CSMD3: variants seen among roughly 807,000 people sequenced by gnomAD.
CSMD3 encodes the protein CUB and sushi domain-containing protein 3.
In CSMD3, 177 loss-of-function variants were observed where a neutral mutation model predicts 435.2. The ratio of observed to expected loss-of-function variants is 0.41; its 90% CI spans 0.36 to 0.46. CSMD3 has a LOEUF of 0.46. CSMD3 is among the 20% of genes least tolerant of loss of function. CSMD3 has a pLI of 0.34. For synonymous variants in CSMD3, 1,656 were observed against 1,520.5 expected (o/e 1.09, Z -2.07); for missense variants, 4,265 against 4,504.6 (o/e 0.95, Z 1.52).
chr8:112,915,088 A>G (rs1410951674), intron 10 of CSMD3, among the ~76,000 whole-genome samples: 1 of 151,940 alleles, frequency 6.6e-6, no homozygotes, highest in Non-Finnish European at 1.5e-5. Context: ...TCATAAGTTT[A>G]CTATGAACAC....
chr8:112,871,414 G>A (rs925256078), intron 10 of CSMD3, among the ~76,000 whole-genome samples: 5 of 152,028 alleles, frequency 3.3e-5, no homozygotes, highest in African/African-American at 1.2e-4. Context: ...AGCATTTGAG[G>A]CTTAATCTTC....
chr8:113,034,749 T>C (rs919742352), intron 5 of CSMD3, among the ~76,000 whole-genome samples: 1 of 152,032 alleles, frequency 6.6e-6, no homozygotes, highest in Non-Finnish European at 1.5e-5. Flanking sequence ...ATAGAGAATA[T>C]ACCATGCAAA....
intron 1 of CSMD3, chr8:113,376,920 G>A: frequency 1.3e-6 from 2 of 1,581,884 alleles, no homozygotes. Context: ...TGGTTGTGGG[G>A]GCCATAACGG....
At chr8:112,373,878 G>A (rs55801599) in intron 38 of CSMD3, among the ~76,000 whole-genome samples, 5,894 of 152,144 alleles carry the variant, frequency 0.039, 376 homozygotes, top group African/African-American at 0.13. Flanking sequence ...CTGAGTGAAT[G>A]GTCAGCCTTT....
intron 1 of CSMD3, among the ~76,000 whole-genome samples, chr8:113,338,509 T>C (rs972882703): frequency 2.0e-5 from 3 of 151,894 alleles, no homozygotes; most frequent in African/African-American, 7.2e-5. Flanking sequence ...ATAAACAAAA[T>C]ATGGTATATT....
At position 113,148,884 on chromosome 8, in the gene CSMD3, A is replaced by G. The variant is rs192526977; in HGVS notation, c.709+24838T>C. Among the ~76,000 whole-genome samples, 1,267 of 151,892 alleles carry G rather than the reference A, an allele frequency of 8.3e-3. 16 individuals carry two copies. Among genetic ancestry groups the G allele is most frequent in the African/African-American group, 0.029 (1,209 of 41,510 alleles). ...CAAGTGAAGCAACAGTATTTACTTT[A>G]ATTACAGTTTTCTAAAGATTTCTAC... On this transcript the variant is annotated intron_variant, in intron 4 of 70. Transcript: ENST00000297405.
intron 13 of CSMD3, among the ~76,000 whole-genome samples, chr8:112,750,050 AAAG>A (rs1311176313): frequency 6.6e-6 from 1 of 152,086 alleles, no homozygotes; most frequent in Non-Finnish European, 1.5e-5. Context: ...TAAAATTTAT[AAAG>A]AAGATACTAA....
chr8:113,156,620 G>A (rs1166146239), intron 4 of CSMD3, among the ~76,000 whole-genome samples: 2 of 151,750 alleles, frequency 1.3e-5, no homozygotes, highest in African/African-American at 2.4e-5. Context: ...GAGAGAATAG[G>A]CTAAGCATAG....
intron 10 of CSMD3, among the ~76,000 whole-genome samples, chr8:112,899,599 T>TTATATATATATATATATA (rs71309794): frequency 7.8e-4 from 78 of 99,980 alleles, no homozygotes; most frequent in Middle Eastern, 6.8e-3. Context: ...CTTGTCTATT[T>TTATATATATATATATATA]TATATATATA....
At chr8:112,532,741 G>T (rs1318779858) in intron 27 of CSMD3, among the ~76,000 whole-genome samples, 1 of 151,972 alleles carries the variant, frequency 6.6e-6, no homozygotes, top group East Asian at 1.9e-4. Flanking sequence ...TATACAGCAA[G>T]AAATCATCTG....
chr8:113,187,741 C>G (rs866840097), intron 3 of CSMD3, among the ~76,000 whole-genome samples: 24 of 151,896 alleles, frequency 1.6e-4, no homozygotes, highest in Admixed American at 1.5e-3. Context: ...GTAGGTAACT[C>G]CCCTTCATCC....
chr8:113,117,455 G>C (rs1365743974), intron 4 of CSMD3, among the ~76,000 whole-genome samples: 1 of 152,316 alleles, frequency 6.6e-6, no homozygotes, highest in South Asian at 2.1e-4. Context: ...GCAGAAATTT[G>C]CTGTGGAAGT....
At chr8:112,790,785 G>A (rs1251598921) in intron 13 of CSMD3, among the ~76,000 whole-genome samples, 1 of 151,986 alleles carries the variant, frequency 6.6e-6, no homozygotes, top group Non-Finnish European at 1.5e-5. Flanking sequence ...CATTGTTCTT[G>A]CCTTTTTAAT....
chr8:113,190,028 T>G (rs913532991), intron 3 of CSMD3, among the ~76,000 whole-genome samples: 1 of 151,826 alleles, frequency 6.6e-6, no homozygotes, highest in Admixed American at 6.6e-5. Flanking sequence ...GTTATAAATT[T>G]ATAATTTTTT....
intron 50 of CSMD3, among the ~76,000 whole-genome samples, chr8:112,308,359 G>A (rs570161787): frequency 6.6e-6 from 1 of 152,150 alleles, no homozygotes; most frequent in South Asian, 2.1e-4. Flanking sequence ...AGTAAAAAGA[G>A]ATGTAGTTAA....
At chr8:113,335,022 G>T (rs536744451) in intron 1 of CSMD3, among the ~76,000 whole-genome samples, 1 of 152,066 alleles carries the variant, frequency 6.6e-6, no homozygotes, top group Non-Finnish European at 1.5e-5. Context: ...TGAATCATAT[G>T]AGTGGTTTTT....
At chr8:112,644,028 A>C (rs1433671760) in intron 20 of CSMD3, among the ~76,000 whole-genome samples, 1 of 151,598 alleles carries the variant, frequency 6.6e-6, no homozygotes, top group Non-Finnish European at 1.5e-5. Context: ...AAAATCAATA[A>C]ATATATTTTA....
chr8:112,559,535 G>T (rs1443685519), intron 24 of CSMD3, among the ~76,000 whole-genome samples: 2 of 151,790 alleles, frequency 1.3e-5, no homozygotes, highest in Non-Finnish European at 2.9e-5. Flanking sequence ...TGAAAGGAGA[G>T]CTGACACAGA....
chr8:112,528,519 A>G (rs1825209125), intron 27 of CSMD3, among the ~76,000 whole-genome samples: 1 of 152,200 alleles, frequency 6.6e-6, no homozygotes, highest in African/African-American at 2.4e-5. Flanking sequence ...TTGAATACCA[A>G]GGAGCACTTT....
Sources: allele counts gnomAD v4.1 joint callset (sites outside exome capture counted in the v4.1 genomes callset), GRCh38; gene constraint gnomAD v4.1.1; transcripts MANE v1.5; gene names NCBI Gene and HGNC (gene_info 2026-07-23, HGNC 2026-07-21).